The following BUB1B variants were observed in gnomAD, a reference collection of about 807,000 sequenced individuals.
BUB1B encodes the protein BUB1 mitotic checkpoint serine/threonine kinase B.
A neutral mutation model predicts 137.7 loss-of-function variants in BUB1B; 86 were observed. That is an observed-to-expected ratio of 0.62 (90% CI 0.52 to 0.75). BUB1B has a LOEUF of 0.75. Among genes scored for constraint, BUB1B ranks in the 30% least tolerant of loss-of-function variants. The pLI, the probability that BUB1B is intolerant of heterozygous loss-of-function variation, is 0.00. For missense variants in BUB1B, 1,130 were observed against 1,236.9 expected, an observed-to-expected ratio of 0.91 and a Z score of 1.30; for synonymous variants, 420 against 417.9, an observed-to-expected ratio of 1.00 and a Z score of -0.06.
At position 40,170,580 on chromosome 15, in the gene BUB1B, G is replaced by A. The variant is rs1206351353; in HGVS notation, c.283G>A (p.Glu95Lys). The A allele has an allele frequency of 1.9e-6, 3 of 1,613,178 alleles. No homozygotes were observed. In the African/African-American group the frequency reaches 4.0e-5, roughly 22 times the overall value. The change falls in exon 4 of 23, where the codon GAG becomes AAG. Residue 95 changes from glutamate (E) to lysine (K), a missense_variant. Coordinates refer to ENST00000287598, the MANE Select transcript of BUB1B (RefSeq NM_001211.6). ...GCAGAACTATCCTCAAGGTGGGAAGGAGAGTAATATGTCAACGTTATTAGA... is the reference window on the plus strand; with the variant it reads ...GCAGAACTATCCTCAAGGTGGGAAGAAGAGTAATATGTCAACGTTATTAGA... ...TEQNYPQGGK[E>K]SNMSTLLERA...
rs1482967980 is a variant in BUB1B, at chr15:40,167,509, A to AT, written c.179+2319dup. ...AGGCACGCACCACCACGCCTGGCTA[A>AT]TTTTTTGTATTTTTAGTAGAGATGG... On this transcript the variant is annotated intron_variant, in intron 2 of 22. Transcript: ENST00000287598. Among the ~76,000 whole-genome samples the AT allele has an allele frequency of 4.0e-5, 6 of 151,608 alleles. No individual in the cohort carries two copies. The East Asian group carries it at 1.2e-3, about 30-fold the overall frequency.
At chr15:40,217,793 A>T in intron 21 of BUB1B, 126 bp downstream of exon 21, 1 of 1,146,976 alleles carries the variant, frequency 8.7e-7, no homozygotes, top group Non-Finnish European at 1.3e-6. Context: ...GTTTTCAAAT[A>T]TCACCAAGTC....
At chr15:40,193,894 A>G (rs1367074088) in intron 8 of BUB1B, among the ~76,000 whole-genome samples, 1 of 116,198 alleles carries the variant, frequency 8.6e-6, no homozygotes, top group Admixed American at 7.8e-5. Flanking sequence ...GATTCTGTCT[A>G]AAAAAAAAAA....
At chr15:40,170,144 G>T (rs897922423) in intron 3 of BUB1B, 23 bp downstream of exon 3, 27 of 1,596,838 alleles carry the variant, frequency 1.7e-5, no homozygotes, top group Non-Finnish European at 2.3e-5. Context: ...ATTTCACAAG[G>T]ACAATAGAAA....
chr15:40,200,120 G>C, intron 10 of BUB1B, 124 bp from the exon 11 acceptor site: 1 of 743,724 alleles, frequency 1.3e-6, no homozygotes, highest in Non-Finnish European at 2.4e-6. Flanking sequence ...GACTTTTGTG[G>C]TACACTCATT....
intron 20 of BUB1B, among the ~76,000 whole-genome samples, chr15:40,216,712 GTAGT>G (rs1437395120): frequency 6.6e-6 from 1 of 151,300 alleles, no homozygotes; most frequent in African/African-American, 2.4e-5. Flanking sequence ...TGTAATTGGA[GTAGT>G]TAAAGACTGT....
chr15:40,180,308 C>CAA (rs2037272542), intron 5 of BUB1B, among the ~76,000 whole-genome samples: 1 of 129,444 alleles, frequency 7.7e-6, no homozygotes. Context: ...GGCTGGAGTG[C>CAA]AATGGATGGC....
rs748360387 is a variant in BUB1B at position 40,185,554 on chromosome 15, C to T, written c.970C>T (p.Arg324Cys). 20 of 1,614,150 alleles carry T rather than the reference C, an allele frequency of 1.2e-5. No homozygotes were observed. The highest frequency in any genetic ancestry group is 3.3e-5 in the Admixed American group (2 of 60,014). Residue 324 changes from arginine (R) to cysteine (C), a missense_variant, in exon 8 of 23, where the codon CGT becomes TGT. By Grantham distance (180) the Arg-to-Cys change is radical (BLOSUM62 -3). Transcript: ENST00000287598. ...NTGRSLEHRP[R>C]GNTASLIAVP... ...TAGTTTTCTTCTTCATCTCCAGCCT[C>T]GTGGCAATACAGCTTCACTGATAGC...
rs750364303 is a variant in BUB1B, at chr15:40,210,133, C to T, written c.2308C>T (p.Arg770Ter). 1.4e-5 allele frequency: 22 copies of T among 1,611,286 alleles called. No homozygotes were observed. Among genetic ancestry groups the T allele is most frequent in the Non-Finnish European group, 1.8e-5 (21 of 1,177,974 alleles). Residue 770 changes from arginine to a stop codon, truncating the protein, a stop_gained, in exon 18 of 23, where the codon CGA becomes TGA. Coordinates refer to ENST00000287598, the MANE Select transcript of BUB1B (RefSeq NM_001211.6). LOFTEE classifies it high-confidence loss of function. ...AGGTAATGAGGATTACTGCATTAAA[C>T]GAGAATACCTAATATGTGAAGATTA... ...ELGNEDYCIK[R>*]EYLICEDYKL... is the part of the protein sequence containing the mutation.
At chr15:40,199,074 C>A (rs554068182) in intron 9 of BUB1B, among the ~76,000 whole-genome samples, 2 of 152,294 alleles carry the variant, frequency 1.3e-5, no homozygotes, top group Non-Finnish European at 2.9e-5. Flanking sequence ...GCCTTTGTGC[C>A]ACCTAGTTTG....
At chr15:40,192,671 C>T (rs1469523024) in intron 8 of BUB1B, among the ~76,000 whole-genome samples, 1 of 152,196 alleles carries the variant, frequency 6.6e-6, no homozygotes, top group Middle Eastern at 3.2e-3. Context: ...TTCAATCTGG[C>T]TCCTTCCACT....
chr15:40,164,284 A>G (rs2037069802), intron 1 of BUB1B, among the ~76,000 whole-genome samples: 1 of 151,864 alleles, frequency 6.6e-6, no homozygotes. Flanking sequence ...GCTGCAGTGC[A>G]GTGGTGTGAT....
chr15:40,164,801 CA>C (rs2037076409), intron 1 of BUB1B, among the ~76,000 whole-genome samples: 1 of 151,890 alleles, frequency 6.6e-6, no homozygotes, highest in Non-Finnish European at 1.5e-5. Context: ...CGCACATAGC[CA>C]TGCCCTATTC....
chr15:40,187,160 C>G (rs1350889563), intron 8 of BUB1B: 2 of 150,490 alleles, frequency 1.3e-5, no homozygotes, highest in Non-Finnish European at 2.9e-5. Flanking sequence ...GAGTCTTGCT[C>G]TGTTGCCCAG....
chr15:40,173,295 T>TAAAAAAAAAAA (rs61078619), intron 4 of BUB1B, among the ~76,000 whole-genome samples: 51 of 85,648 alleles, frequency 6.0e-4, no homozygotes, highest in South Asian at 1.4e-3. Flanking sequence ...GAAAAAAAGA[T>TAAAAAAAAAAA]AAAAAAAAAA....
At chr15:40,210,894 T>C (rs1001679387) in intron 18 of BUB1B, among the ~76,000 whole-genome samples, 1 of 152,248 alleles carries the variant, frequency 6.6e-6, no homozygotes, top group African/African-American at 2.4e-5. Flanking sequence ...TCCCCACTAT[T>C]CTGAAATGTC....
intron 18 of BUB1B, 57 bp from the exon 19 acceptor site, chr15:40,212,442 T>A: frequency 7.1e-7 from 1 of 1,402,566 alleles, no homozygotes; most frequent in Non-Finnish European, 1.0e-6. Context: ...TGTTTCAACC[T>A]GCCAGCCATA....
At chr15:40,164,634 CT>C (rs777668890) in intron 1 of BUB1B, among the ~76,000 whole-genome samples, 1 of 148,844 alleles carries the variant, frequency 6.7e-6, no homozygotes, top group Non-Finnish European at 1.5e-5. Flanking sequence ...CCCTTCTTTT[CT>C]TTCTGCCTTA....
chr15:40,182,700 G>C (rs1033684350), intron 5 of BUB1B, among the ~76,000 whole-genome samples: 1 of 152,216 alleles, frequency 6.6e-6, no homozygotes, highest in Non-Finnish European at 1.5e-5. Flanking sequence ...AGATCCTCTT[G>C]TTCAGCTCAT....
Sources: gnomAD v4.1 joint callset for allele counts (sites outside exome capture counted in the v4.1 genomes callset) on GRCh38, gnomAD v4.1.1 for gene constraint, MANE v1.5 for transcripts, NCBI Gene and HGNC (gene_info 2026-07-23, HGNC 2026-07-21) for gene names.